The following MPP2 variants were observed in gnomAD, a reference collection of about 807,000 sequenced individuals.
The protein encoded by MPP2 is MAGUK p55 scaffold protein 2.
In MPP2, 42 loss-of-function variants were observed where a neutral mutation model predicts 58.5. The ratio of observed to expected loss-of-function variants is 0.72; its 90% CI spans 0.56 to 0.93. The LOEUF (loss-of-function observed/expected upper bound fraction) is 0.93, where lower values mean the gene tolerates loss of function less well. MPP2 is among the 40% of genes least tolerant of loss of function. The pLI is 0.00. For synonymous variants in MPP2, 300 were observed against 307.8 expected (o/e 0.97, Z 0.26); for missense variants, 632 against 760.4 (o/e 0.83, Z 1.99).
intron 3 of MPP2, among the ~76,000 whole-genome samples, chr17:43,891,867 GTTCT>G (rs2047621833): frequency 6.6e-6 from 1 of 152,202 alleles, no homozygotes. Flanking sequence ...CAAGCCCTGT[GTTCT>G]TTCTTCTTCA....
intron 3 of MPP2, among the ~76,000 whole-genome samples, chr17:43,897,429 C>A (rs1391268471): frequency 6.6e-6 from 1 of 152,112 alleles, no homozygotes; most frequent in African/African-American, 2.4e-5. Context: ...TGCAGTGAGC[C>A]AAGATCACGC....
chr17:43,897,445 C>T (rs753924263), intron 3 of MPP2, among the ~76,000 whole-genome samples: 9 of 152,190 alleles, frequency 5.9e-5, no homozygotes, highest in Non-Finnish European at 1.3e-4. Flanking sequence ...CACGCCATTG[C>T]ACTCCAGCCT....
At position 43,880,412 on chromosome 17, in the gene MPP2, G is replaced by A. The variant is rs2047056332; in HGVS notation, c.1150+279C>T. ...CCTGTTTCACCCGGGTGCACAGCTG[G>A]GCACTCACTTTCTTCATGGCTTTTA... is the stretch of plus-strand genomic sequence containing the variant. On this transcript the variant is annotated intron_variant, in intron 10 of 12. Coordinates refer to ENST00000269095, the MANE Select transcript of MPP2 (RefSeq NM_005374.5). This position sits in a 1 kb window ranked among gnomAD's most constrained non-coding sequence, Gnocchi z 5.2. Among the ~76,000 whole-genome samples the A allele has an allele frequency of 6.6e-6, 1 of 152,182 alleles. No individual in the cohort carries two copies.
chr17:43,892,154 T>C (rs1206158465), intron 3 of MPP2, among the ~76,000 whole-genome samples: 1 of 152,188 alleles, frequency 6.6e-6, no homozygotes, highest in East Asian at 1.9e-4. Context: ...TGGGTTTGTA[T>C]CCTCAGGCCC....
intron 2 of MPP2, 63 bp from the exon 3 acceptor site, chr17:43,898,443 A>C: frequency 8.8e-7 from 1 of 1,140,580 alleles, no homozygotes; most frequent in Non-Finnish European, 1.3e-6. Context: ...ACCAAAACAC[A>C]CCACAATACT....
intron 3 of MPP2, among the ~76,000 whole-genome samples, chr17:43,887,275 T>G (rs1567887518): frequency 6.6e-6 from 1 of 152,098 alleles, no homozygotes; most frequent in Non-Finnish European, 1.5e-5. Context: ...CTACTCTTAC[T>G]TGGGAGGCTG....
intron 3 of MPP2, among the ~76,000 whole-genome samples, chr17:43,883,917 G>C (rs1443991664): frequency 6.6e-6 from 1 of 152,162 alleles, no homozygotes; most frequent in Non-Finnish European, 1.5e-5. Context: ...CCATACCAAG[G>C]AGCGCTGAAA....
At position 43,881,227 on chromosome 17, in the gene MPP2, T is replaced by A. The variant is rs2047101819; in HGVS notation, c.919+17A>T. The A allele has an allele frequency of 6.2e-7, 1 of 1,613,110 alleles. No individual in the cohort carries two copies. ...TGGATCCCAGATTGGAGGTGTGGGG[T>A]AGGGGGGACCTCCTACCTGAGTTTG... is the stretch of plus-strand genomic sequence containing the variant. On this transcript the variant is annotated intron_variant, in intron 8 of 12. Coordinates refer to ENST00000269095, the MANE Select transcript of MPP2 (RefSeq NM_005374.5).
At position 43,877,782 on chromosome 17, in the gene MPP2, T is replaced by A; in HGVS notation, c.*25A>T. 3 of 1,599,550 alleles carry A rather than the reference T, an allele frequency of 1.9e-6. No individual in the cohort carries two copies. Among genetic ancestry groups the A allele is most frequent in the Non-Finnish European group, 2.6e-6 (3 of 1,168,588 alleles). On this transcript the variant is annotated 3_prime_UTR_variant, in exon 13 of 13. Transcript: ENST00000269095. ...TCAGGTTCTGGGTTTCAACACAGAG[T>A]GAGCCAAAGACCAGGTGAACAGGCT...
chr17:43,903,578 T>G (rs1296932715), intron 2 of MPP2, among the ~76,000 whole-genome samples: 1 of 152,142 alleles, frequency 6.6e-6, no homozygotes, highest in South Asian at 2.1e-4. Flanking sequence ...TCCCAGCTAC[T>G]TGGGAGGCTG....
At chr17:43,889,034 T>C (rs2047487628) in intron 3 of MPP2, among the ~76,000 whole-genome samples, 1 of 151,730 alleles carries the variant, frequency 6.6e-6, no homozygotes, top group Non-Finnish European at 1.5e-5. Flanking sequence ...TCAAAAATTC[T>C]TGTGCTTCAA....
intron 3 of MPP2, among the ~76,000 whole-genome samples, chr17:43,885,938 C>A (rs1249892106): frequency 6.6e-6 from 1 of 151,814 alleles, no homozygotes; most frequent in Non-Finnish European, 1.5e-5. Context: ...GGTGAAACAC[C>A]ATCTCTACCA....
chr17:43,880,712 G>A lies in MPP2; in HGVS notation c.1129C>T (p.Arg377Cys), dbSNP rs780710952. The A allele has an allele frequency of 6.2e-6, 10 of 1,612,722 alleles. No homozygotes were observed. The highest frequency in any genetic ancestry group is 3.3e-5 in the South Asian group (3 of 90,890). ...KNKLIMWDPD[R>C]YGTTVPYTSR... ...TCACAGGGCACCGTGGTGCCATAGC[G>A]ATCTGGATCCCACATGATGAGCTTG... Residue 377 changes from arginine (R) to cysteine (C), a missense_variant, in exon 10 of 13, where the codon CGC (arginine) becomes TGC (cysteine). By Grantham distance (180) the Arg-to-Cys change is radical. Transcript: ENST00000269095. This position sits in a 1 kb window ranked among gnomAD's most constrained non-coding sequence, Gnocchi z 5.2.
At chr17:43,902,350 C>T (rs1265803145) in intron 2 of MPP2, among the ~76,000 whole-genome samples, 5 of 152,204 alleles carry the variant, frequency 3.3e-5, no homozygotes, top group African/African-American at 1.2e-4. Flanking sequence ...CTTGCTCCTC[C>T]TCCTACGCCC....
intron 2 of MPP2, chr17:43,900,628 C>G (rs1439100360): frequency 1.6e-5 from 23 of 1,456,328 alleles, no homozygotes; most frequent in African/African-American, 7.2e-5. Context: ...AAAGCCTGGC[C>G]GGGCTGGGGA....
chr17:43,908,404 C>G (rs1167128837), upstream of MPP2, among the ~76,000 whole-genome samples: 1 of 152,224 alleles, frequency 6.6e-6, no homozygotes, highest in East Asian at 1.9e-4. Flanking sequence ...AGAGTCATCC[C>G]TTTTCCTTGC....
Position 43,877,633 on chromosome 17 carries a change from C to T in MPP2, c.*174G>A. The T allele has an allele frequency of 1.5e-6, 1 of 653,630 alleles. No individual in the cohort carries two copies. Among genetic ancestry groups the T allele is most frequent in the Non-Finnish European group, 2.7e-6 (1 of 368,476 alleles). The allele number at this position is 653,630 out of a possible 1,614,324, so 40.5% of individuals were successfully genotyped here. ...AGGTACCCCATGAATGCCCACCTCC[C>T]TGGCAGTGCACGCCTCTGTGCTGAA... On this transcript the variant is annotated 3_prime_UTR_variant, in exon 13 of 13. Transcript: ENST00000269095.
chr17:43,905,176 T>TAA (rs11394569), intron 1 of MPP2, among the ~76,000 whole-genome samples: 2,079 of 148,074 alleles, frequency 0.014, 18 homozygotes, highest in Non-Finnish European at 0.023. Context: ...GAACCTGTCT[T>TAA]AAAAAAAAAA....
At chr17:43,900,001 C>T (rs1240938063) in intron 2 of MPP2, among the ~76,000 whole-genome samples, 1 of 152,198 alleles carries the variant, frequency 6.6e-6, no homozygotes, top group East Asian at 1.9e-4. Context: ...CCCCTGGCGC[C>T]TCTCAATGCT....
Sources: allele counts gnomAD v4.1 joint callset (sites outside exome capture counted in the v4.1 genomes callset), GRCh38; gene constraint gnomAD v4.1.1; non-coding constraint Gnocchi (gnomAD v3.1); transcripts MANE v1.5; gene names NCBI Gene and HGNC (gene_info 2026-07-23, HGNC 2026-07-21).